CLMN: variants seen among roughly 807,000 people sequenced by gnomAD.
The protein encoded by CLMN is calmin, also known as calmin (calponin-like, transmembrane).
CLMN carries 57 observed loss-of-function variants against 92.7 expected under a neutral mutation model. The ratio of observed to expected loss-of-function variants is 0.61; its 90% CI spans 0.50 to 0.77. The LOEUF (loss-of-function observed/expected upper bound fraction) is 0.77. CLMN is among the 30% of genes least tolerant of loss of function. The pLI, the probability that CLMN is intolerant of heterozygous loss-of-function variation, is 0.00. For missense variants in CLMN, 1,158 were observed against 1,237.5 expected, an observed-to-expected ratio of 0.94 and a Z score of 0.96; for synonymous variants, 466 against 470.6, an observed-to-expected ratio of 0.99 and a Z score of 0.13.
At chr14:95,212,824 T>C (rs896743826) in intron 6 of CLMN, among the ~76,000 whole-genome samples, 14 of 150,760 alleles carry the variant, frequency 9.3e-5, no homozygotes, top group Non-Finnish European at 1.8e-4. Flanking sequence ...CTCGCTCTGT[T>C]GCCCAGGCTG....
At chr14:95,230,599 T>C (rs550865871) in intron 1 of CLMN, among the ~76,000 whole-genome samples, 1 of 152,084 alleles carries the variant, frequency 6.6e-6, no homozygotes, top group South Asian at 2.1e-4. Flanking sequence ...CACAGTGTGG[T>C]GAAAGGGATT....
At chr14:95,285,837 T>C (rs1033105110) in intron 1 of CLMN, among the ~76,000 whole-genome samples, 20 of 151,956 alleles carry the variant, frequency 1.3e-4, no homozygotes, top group Admixed American at 1.2e-3. Context: ...CCTCCACTCA[T>C]GTCCACAGCA....
At chr14:95,298,457 C>G (rs1026432539) in intron 1 of CLMN, among the ~76,000 whole-genome samples, 5 of 152,166 alleles carry the variant, frequency 3.3e-5, no homozygotes, top group Non-Finnish European at 7.3e-5. Flanking sequence ...AGGCGCCACA[C>G]GGCCACTAAT....
chr14:95,259,974 C>T lies in CLMN; in HGVS notation c.83-29841G>A, dbSNP rs955414773. On this transcript the variant is annotated intron_variant, in intron 1 of 12. Coordinates refer to ENST00000298912, the MANE Select transcript of CLMN (RefSeq NM_024734.4). This position sits in a 1 kb window ranked among gnomAD's most constrained non-coding sequence, Gnocchi z 4.3. ...CTCTCCCTGCACTTCTCCACCTGCT[C>T]GTCAAATTCCTCTGGCTGCCCTCCC... 1.3e-5 allele frequency among the ~76,000 whole-genome samples: 2 copies of T among 152,158 alleles called. No homozygotes were observed. The highest frequency in any genetic ancestry group is 6.5e-5 in the Admixed American group (1 of 15,278).
intron 1 of CLMN, among the ~76,000 whole-genome samples, chr14:95,271,649 A>G (rs565010863): frequency 6.6e-6 from 1 of 152,318 alleles, no homozygotes; most frequent in South Asian, 2.1e-4. Flanking sequence ...TGTCTTTTTC[A>G]TTTCCCTGAG....
intron 2 of CLMN, among the ~76,000 whole-genome samples, chr14:95,226,808 C>A (rs1348238781): frequency 6.6e-6 from 1 of 152,212 alleles, no homozygotes; most frequent in Non-Finnish European, 1.5e-5. Flanking sequence ...AATTCCTGGG[C>A]TCATGCGATA....
In CLMN at chr14:95,202,997, C is replaced by T. The variant is rs12147696; in HGVS notation, c.2352G>A (p.Ser784=). 16,961 of 1,614,020 alleles carry T rather than the reference C, an allele frequency of 0.011. 129 individuals carry two copies. Among genetic ancestry groups the T allele is most frequent in the Non-Finnish European group, 0.013 (15,118 of 1,179,958 alleles). ...CACTGGGGAGGCTCTCTCCTGGCAC[C>T]GAGGAACTGGAGCTGCTCTGAGAGC... ...ADGSQSSSSS[S]VPGESLPSAS... is the part of the protein sequence containing the mutation. The change falls in exon 9 of 13, where the codon TCG becomes TCA. Residue 784 remains serine, a synonymous_variant. Transcript: ENST00000298912.
intron 1 of CLMN, among the ~76,000 whole-genome samples, chr14:95,250,272 G>C (rs1035609933): frequency 6.6e-6 from 1 of 152,172 alleles, no homozygotes; most frequent in African/African-American, 2.4e-5. Flanking sequence ...ACATCCTTGT[G>C]TTATTACAAA....
chr14:95,286,635 G>A (rs990696767), intron 1 of CLMN, among the ~76,000 whole-genome samples: 3 of 152,128 alleles, frequency 2.0e-5, no homozygotes, highest in East Asian at 1.9e-4. Context: ...TGTGATTTTC[G>A]GCTCAGTTAC....
chr14:95,248,656 C>G lies in CLMN; in HGVS notation c.83-18523G>C, dbSNP rs987818754. Among the ~76,000 whole-genome samples the G allele has an allele frequency of 2.0e-5, 3 of 152,330 alleles. No individual in the cohort carries two copies. In the East Asian group the frequency reaches 5.8e-4, roughly 29 times the overall value. On this transcript the variant is annotated intron_variant, in intron 1 of 12. Coordinates refer to ENST00000298912, the MANE Select transcript of CLMN (RefSeq NM_024734.4). Reference sequence around the variant, plus strand: ...CTGCCTGCCACCTTGGAGGGTCCCTCTGCAGATGGATGCGTGCTTTTGGTG... The same window carrying G: ...CTGCCTGCCACCTTGGAGGGTCCCTGTGCAGATGGATGCGTGCTTTTGGTG...
At chr14:95,297,688 G>A (rs1424133619) in intron 1 of CLMN, among the ~76,000 whole-genome samples, 1 of 152,152 alleles carries the variant, frequency 6.6e-6, no homozygotes, top group Non-Finnish European at 1.5e-5. Flanking sequence ...TGCATTAGCA[G>A]TTCTTCCCTT....
At chr14:95,218,131 T>C (rs763237766) in intron 4 of CLMN, among the ~76,000 whole-genome samples, 7 of 152,138 alleles carry the variant, frequency 4.6e-5, no homozygotes, top group Non-Finnish European at 8.8e-5. Flanking sequence ...GTGGACCAAT[T>C]GGTTTGTGGA....
In CLMN at chr14:95,191,800, G is replaced by T; in HGVS notation, c.2841-68C>A. On this transcript the variant is annotated intron_variant, in intron 12 of 12. Coordinates refer to ENST00000298912, the MANE Select transcript of CLMN (RefSeq NM_024734.4). This position sits in a 1 kb window ranked among gnomAD's most constrained non-coding sequence, Gnocchi z 5.3. The stretch of plus-strand genomic sequence containing the variant: ...CCCAGGAAAGTGGACCCCACCCAGT[G>T]CTACCCGTCTCTCCCCGGCCCCCAC... 6.8e-7 allele frequency: 1 copy of T among 1,477,356 alleles called. No individual in the cohort carries two copies. Among genetic ancestry groups the T allele is most frequent in the Non-Finnish European group, 9.1e-7 (1 of 1,100,084 alleles). 91.5% of individuals were successfully genotyped at this position (1,477,356 alleles called of 1,614,324 possible). A position where few individuals can be genotyped will look rare whatever the true frequency, so the allele number is the denominator to read the frequency against.
rs1156588304 is a variant in CLMN, at chr14:95,189,872, T to C, written c.*1692A>G. 6.6e-6 allele frequency: 1 copy of C among 152,234 alleles called. No homozygotes were observed. The highest frequency in any genetic ancestry group is 1.5e-5 in the Non-Finnish European group (1 of 68,036). 9.4% of individuals were successfully genotyped at this position (152,234 alleles called of 1,614,324 possible). On this transcript the variant is annotated 3_prime_UTR_variant, in exon 13 of 13. Coordinates refer to ENST00000298912, the MANE Select transcript of CLMN (RefSeq NM_024734.4). The stretch of plus-strand genomic sequence containing the variant: ...TTCTTTCAGGAGGGGAGACAGACTA[T>C]AATCAGACTGGTTTAGAGGCCAGAT...
chr14:95,228,506 G>C (rs1286315888), intron 2 of CLMN, among the ~76,000 whole-genome samples: 1 of 152,134 alleles, frequency 6.6e-6, no homozygotes, highest in Admixed American at 6.5e-5. Context: ...ATGCCTGCTC[G>C]GGCAATATCC....
At chr14:95,234,714 C>T in intron 1 of CLMN, among the ~76,000 whole-genome samples, 1 of 152,218 alleles carries the variant, frequency 6.6e-6, no homozygotes, top group East Asian at 1.9e-4. Context: ...GGCCCTGGCT[C>T]AGCCGCACCA....
chr14:95,257,244 G>A (rs78847060), intron 1 of CLMN, among the ~76,000 whole-genome samples: 5 of 152,184 alleles, frequency 3.3e-5, no homozygotes, highest in Admixed American at 1.3e-4. Flanking sequence ...CAACGGTCGA[G>A]AGCCTGCTGT....
intron 1 of CLMN, among the ~76,000 whole-genome samples, chr14:95,271,438 G>A (rs898681507): frequency 8.5e-5 from 13 of 152,126 alleles, no homozygotes; most frequent in Admixed American, 8.5e-4. Flanking sequence ...CAGCACCAAA[G>A]GCCCTGGGGT....
intron 1 of CLMN, among the ~76,000 whole-genome samples, chr14:95,255,667 T>A (rs914881897): frequency 6.6e-6 from 1 of 152,134 alleles, no homozygotes; most frequent in South Asian, 2.1e-4. Flanking sequence ...GTCACCTTCC[T>A]TCCACCCTTT....
Sources: allele counts gnomAD v4.1 joint callset (sites outside exome capture counted in the v4.1 genomes callset), GRCh38; gene constraint gnomAD v4.1.1; non-coding constraint Gnocchi (gnomAD v3.1); transcripts MANE v1.5; gene names NCBI Gene and HGNC (gene_info 2026-07-23, HGNC 2026-07-21).